Variants in SGMS1 observed in about 807,000 individuals in gnomAD.
The protein encoded by SGMS1 is phosphatidylcholine:ceramide cholinephosphotransferase 1.
In SGMS1, 13 loss-of-function variants were observed where a neutral mutation model predicts 46.2. The observed-to-expected ratio is 0.28, with a 90% CI of 0.18 to 0.45. The LOEUF is 0.45. Among genes scored for constraint, SGMS1 ranks in the 20% least tolerant of loss-of-function variants. The pLI is 1.00. For synonymous variants in SGMS1, 203 were observed against 187.8 expected (o/e 1.08, Z -0.66); for missense variants, 324 against 519.9 (o/e 0.62, Z 3.66).
chr10:50,589,112 T>C (rs1273345118), intron 2 of SGMS1, among the ~76,000 whole-genome samples: 2 of 152,278 alleles, frequency 1.3e-5, no homozygotes, highest in East Asian at 3.9e-4. Flanking sequence ...ACATCAGCCA[T>C]GGCGGGGATG....
intron 2 of SGMS1, among the ~76,000 whole-genome samples, chr10:50,529,276 C>G (rs74132749): frequency 0.035 from 5,291 of 152,252 alleles, 310 homozygotes; most frequent in African/African-American, 0.12. Context: ...CAAGAAAGTT[C>G]ACTATGTAAA....
chr10:50,406,167 A>T (rs1849011880), intron 6 of SGMS1, among the ~76,000 whole-genome samples: 1 of 152,184 alleles, frequency 6.6e-6, no homozygotes, highest in South Asian at 2.1e-4. Context: ...CACCATTTAC[A>T]GCCTGATTTG....
At chr10:50,379,971 T>C (rs1848578101) in intron 6 of SGMS1, among the ~76,000 whole-genome samples, 1 of 152,176 alleles carries the variant, frequency 6.6e-6, no homozygotes, top group Non-Finnish European at 1.5e-5. Flanking sequence ...AGACTGAGCA[T>C]TATTCAGAAA....
At chr10:50,574,212 C>T (rs934677880) in intron 2 of SGMS1, among the ~76,000 whole-genome samples, 1 of 151,922 alleles carries the variant, frequency 6.6e-6, no homozygotes, top group African/African-American at 2.4e-5. Context: ...GAAAAGGCAA[C>T]CTATGGAATG....
intron 3 of SGMS1, among the ~76,000 whole-genome samples, chr10:50,487,237 A>G (rs1837528792): frequency 6.6e-6 from 1 of 152,236 alleles, no homozygotes; most frequent in Admixed American, 6.5e-5. Context: ...GCAGGAACAG[A>G]AAACCAAACA....
chr10:50,615,860 A>G (rs1838791633), intron 1 of SGMS1, among the ~76,000 whole-genome samples: 1 of 152,110 alleles, frequency 6.6e-6, no homozygotes, highest in African/African-American at 2.4e-5. Flanking sequence ...TTCACCTCTA[A>G]TTATATACCA....
intron 6 of SGMS1, among the ~76,000 whole-genome samples, chr10:50,427,025 T>C (rs1015831396): frequency 6.6e-6 from 1 of 152,114 alleles, no homozygotes; most frequent in Admixed American, 6.5e-5. Context: ...AAGAAAACAA[T>C]AGAAATTTAC....
intron 2 of SGMS1, among the ~76,000 whole-genome samples, chr10:50,528,660 A>G (rs1837926148): frequency 1.3e-5 from 2 of 152,198 alleles, no homozygotes; most frequent in African/African-American, 4.8e-5. Context: ...GCACTTTGGG[A>G]AGCCAAGGTG....
rs1340909070 is a variant in SGMS1, at chr10:50,327,340, CAG to C, written c.624-20_624-19del. ...TAATAGACCTAGAAAAAGGGAAAAA[CAG>C]GGCAGATTCTCAGTCAAGAAATTCT... On this transcript the variant is annotated intron_variant, in intron 7 of 10. Transcript: ENST00000361781. 1 of 1,385,972 alleles carries C rather than the reference CAG, an allele frequency of 7.2e-7. No individual in the cohort carries two copies. The highest frequency in any genetic ancestry group is 1.4e-5 in the African/African-American group (1 of 69,694). 85.9% of individuals were successfully genotyped at this position (1,385,972 alleles called of 1,614,324 possible).
At chr10:50,559,379 T>G (rs749877385) in intron 2 of SGMS1, among the ~76,000 whole-genome samples, 2 of 152,190 alleles carry the variant, frequency 1.3e-5, no homozygotes, top group Non-Finnish European at 2.9e-5. Context: ...ATCTTCCACA[T>G]GTTTTCCATA....
intron 3 of SGMS1, among the ~76,000 whole-genome samples, chr10:50,481,821 G>A (rs971631292): frequency 2.0e-5 from 3 of 152,186 alleles, no homozygotes; most frequent in Admixed American, 6.5e-5. Context: ...TCAGTTTAGA[G>A]AGGAACATAT....
At chr10:50,458,865 T>C (rs1837229829) in intron 5 of SGMS1, among the ~76,000 whole-genome samples, 1 of 152,166 alleles carries the variant, frequency 6.6e-6, no homozygotes, top group African/African-American at 2.4e-5. Flanking sequence ...TAGCCCCTTA[T>C]TGAAAAAAAT....
chr10:50,437,545 A>T (rs547233465), intron 5 of SGMS1, among the ~76,000 whole-genome samples: 1 of 152,330 alleles, frequency 6.6e-6, no homozygotes, highest in South Asian at 2.1e-4. Flanking sequence ...AGGAACAATA[A>T]CTAAAGACTA....
intron 7 of SGMS1, among the ~76,000 whole-genome samples, chr10:50,334,235 C>T (rs1344848): frequency 0.13 from 20,523 of 152,144 alleles, 1,754 homozygotes; most frequent in East Asian, 0.22. Context: ...CCAGAAACTG[C>T]TAAATAAAAT....
chr10:50,583,968 T>C (rs1159733314), intron 2 of SGMS1, among the ~76,000 whole-genome samples: 2 of 152,208 alleles, frequency 1.3e-5, no homozygotes, highest in Non-Finnish European at 2.9e-5. Context: ...ACAAGGAATC[T>C]GGCCTATCAA....
chr10:50,454,767 A>C (rs1339148336), intron 5 of SGMS1, among the ~76,000 whole-genome samples: 1 of 152,206 alleles, frequency 6.6e-6, no homozygotes. Flanking sequence ...TGCTATAGAA[A>C]ACACAATTTT....
chr10:50,378,325 T>C (rs1848548695), intron 6 of SGMS1, among the ~76,000 whole-genome samples: 1 of 152,166 alleles, frequency 6.6e-6, no homozygotes, highest in African/African-American at 2.4e-5. Context: ...CAGAGAGAGA[T>C]GGGAAGACAG....
At chr10:50,513,894 C>G (rs1240769874) in intron 3 of SGMS1, among the ~76,000 whole-genome samples, 4 of 152,024 alleles carry the variant, frequency 2.6e-5, no homozygotes, top group Admixed American at 6.6e-5. Flanking sequence ...ACAAAATGAC[C>G]CCGAAGAAAA....
intron 5 of SGMS1, among the ~76,000 whole-genome samples, chr10:50,451,404 C>T (rs573814024): frequency 6.6e-6 from 1 of 152,172 alleles, no homozygotes; most frequent in African/African-American, 2.4e-5. Context: ...CAACCATTAT[C>T]CCTACTCTGA....
Sources: allele counts gnomAD v4.1 joint callset (sites outside exome capture counted in the v4.1 genomes callset), GRCh38; gene constraint gnomAD v4.1.1; transcripts MANE v1.5; gene names NCBI Gene and HGNC (gene_info 2026-07-23, HGNC 2026-07-21).